The following FRMD4A variants were observed in gnomAD, a reference collection of about 807,000 sequenced individuals.
The protein encoded by FRMD4A is FERM domain-containing protein 4A.
A neutral mutation model predicts 129.1 loss-of-function variants in FRMD4A; 29 were observed. That is an observed-to-expected ratio of 0.22 (90% confidence interval 0.17 to 0.31). The LOEUF (loss-of-function observed/expected upper bound fraction) is 0.31, where lower values mean the gene tolerates loss of function less well. FRMD4A is among the 10% of genes least tolerant of loss of function. The pLI is 1.00. For synonymous variants in FRMD4A, 634 were observed against 571.6 expected (o/e 1.11, Z -1.56); for missense variants, 1,272 against 1,375.8 (o/e 0.92, Z 1.19).
At chr10:14,124,691 A>C (rs1192433622) in intron 2 of FRMD4A, among the ~76,000 whole-genome samples, 2 of 152,088 alleles carry the variant, frequency 1.3e-5, no homozygotes, top group Non-Finnish European at 2.9e-5. Context: ...CAACAACAAC[A>C]ACAACAACAA....
intron 12 of FRMD4A, among the ~76,000 whole-genome samples, chr10:13,737,276 G>C (rs1367427875): frequency 1.3e-5 from 2 of 152,178 alleles, no homozygotes; most frequent in African/African-American, 4.8e-5. Context: ...TTTTAGTAGA[G>C]AGAGGGTTCT....
At chr10:14,213,787 C>T (rs148523015) in intron 2 of FRMD4A, among the ~76,000 whole-genome samples, 1,621 of 152,210 alleles carry the variant, frequency 0.011, 27 homozygotes, top group African/African-American at 0.036. Flanking sequence ...CCAAGTGTTG[C>T]GGGAGGGACC....
intron 2 of FRMD4A, among the ~76,000 whole-genome samples, chr10:14,022,390 A>G (rs549770661): frequency 8.3e-4 from 126 of 152,328 alleles, no homozygotes; most frequent in African/African-American, 2.8e-3. Context: ...GGGAACTCAC[A>G]ATGGGAAATT....
rs541553408 is a variant in FRMD4A at position 13,985,995 on chromosome 10, C to T, written c.46-127083G>A. 8.1e-4 allele frequency among the ~76,000 whole-genome samples: 124 copies of T among 152,280 alleles called. 1 individual carries two copies. Among genetic ancestry groups the T allele is most frequent in the Non-Finnish European group, 1.2e-3 (81 of 68,022 alleles). ...CCACTGTCCCGACACTGCAGCCACC[C>T]GTGGCTTTGGTCATCTCTTTTGTCT... is the stretch of plus-strand genomic sequence containing the variant. On this transcript the variant is annotated intron_variant, in intron 2 of 24. Coordinates refer to ENST00000357447, the MANE Select transcript of FRMD4A (RefSeq NM_018027.5).
chr10:14,089,648 A>C (rs1353662421), intron 2 of FRMD4A, among the ~76,000 whole-genome samples: 2 of 151,854 alleles, frequency 1.3e-5, no homozygotes, highest in East Asian at 1.9e-4. Flanking sequence ...AACAAACAAA[A>C]AAAAAACAGA....
Position 14,237,650 on chromosome 10 carries a change from TGA to T in FRMD4A, c.45+92406_45+92407del, listed in dbSNP as rs534081445. ...CTGGCTGCATCAATTTCTCTGCTGT[TGA>T]GAGAGAGACAGACAGAGACAGAGAG... is the stretch of plus-strand genomic sequence containing the variant. On this transcript the variant is annotated intron_variant, in intron 2 of 24. Coordinates refer to ENST00000357447, the MANE Select transcript of FRMD4A (RefSeq NM_018027.5). Among the ~76,000 whole-genome samples the T allele has an allele frequency of 2.2e-3, 336 of 152,286 alleles. 1 individual carries two copies. The highest frequency in any genetic ancestry group is 3.9e-3 in the Non-Finnish European group (266 of 68,012).
At chr10:14,268,853 A>G (rs1845067854) in intron 2 of FRMD4A, among the ~76,000 whole-genome samples, 1 of 151,332 alleles carries the variant, frequency 6.6e-6, no homozygotes, top group Non-Finnish European at 1.5e-5. Context: ...CAGAGTTTCT[A>G]CGTATTTTGT....
chr10:14,074,711 G>A (rs1294843942), intron 2 of FRMD4A: 2 of 152,186 alleles, frequency 1.3e-5, no homozygotes, highest in Middle Eastern at 3.1e-3. Context: ...GATTCTGGAA[G>A]GTGTCCAGGA....
chr10:14,164,872 T>C (rs1589111083), intron 2 of FRMD4A, among the ~76,000 whole-genome samples: 1 of 152,248 alleles, frequency 6.6e-6, no homozygotes, highest in Non-Finnish European at 1.5e-5. Context: ...AGATTATGCA[T>C]GGACCTTCAT....
intron 6 of FRMD4A, among the ~76,000 whole-genome samples, chr10:13,781,805 G>A (rs10796125): frequency 0.77 from 116,085 of 151,666 alleles, 45,102 homozygotes; most frequent in African/African-American, 0.89. Context: ...AGTAGTGGTT[G>A]CCAGTGGCTG....
At chr10:14,060,842 C>T (rs2131701762) in intron 2 of FRMD4A, among the ~76,000 whole-genome samples, 1 of 152,246 alleles carries the variant, frequency 6.6e-6, no homozygotes, top group African/African-American at 2.4e-5. Context: ...TCCCCATGGA[C>T]TTCTAAGCAT....
intron 13 of FRMD4A, among the ~76,000 whole-genome samples, chr10:13,704,108 G>A (rs1312408024): frequency 1.3e-5 from 2 of 152,198 alleles, no homozygotes; most frequent in African/African-American, 2.4e-5. Context: ...GCACTCACAC[G>A]TGGCTCATGA....
intron 2 of FRMD4A, among the ~76,000 whole-genome samples, chr10:14,246,149 C>T (rs2132012793): frequency 6.6e-6 from 1 of 152,262 alleles, no homozygotes; most frequent in South Asian, 2.1e-4. Flanking sequence ...TAGAGAAACT[C>T]CATGTCAATG....
chr10:14,019,741 T>G (rs1010690297), intron 2 of FRMD4A, among the ~76,000 whole-genome samples: 2 of 152,206 alleles, frequency 1.3e-5, no homozygotes, highest in African/African-American at 4.8e-5. Flanking sequence ...GCTGATGCCT[T>G]TGAGAACGTG....
intron 2 of FRMD4A, among the ~76,000 whole-genome samples, chr10:13,922,976 T>A (rs552972466): frequency 1.3e-5 from 2 of 152,208 alleles, no homozygotes; most frequent in Non-Finnish European, 2.9e-5. Context: ...GGTTAAATTA[T>A]GCTTGTAAGA....
intron 2 of FRMD4A, among the ~76,000 whole-genome samples, chr10:14,316,870 G>C (rs796299519): frequency 1.3e-5 from 2 of 152,198 alleles, no homozygotes; most frequent in Non-Finnish European, 2.9e-5. Context: ...CTAAAGAAGT[G>C]TCCTGTTTTA....
At chr10:13,667,234 C>G (rs1589274938) in intron 17 of FRMD4A, among the ~76,000 whole-genome samples, 1 of 152,148 alleles carries the variant, frequency 6.6e-6, no homozygotes, top group African/African-American at 2.4e-5. Flanking sequence ...TTTGCAAGCT[C>G]TGGCTGTCCC....
At chr10:13,787,913 A>G (rs2092908467) in intron 5 of FRMD4A, among the ~76,000 whole-genome samples, 1 of 151,672 alleles carries the variant, frequency 6.6e-6, no homozygotes, top group Non-Finnish European at 1.5e-5. Context: ...TCTGATTTTC[A>G]GGAGAGCCTC....
At chr10:13,647,764 G>A in intron 24 of FRMD4A, 1 of 148,422 alleles carries the variant, frequency 6.7e-6, no homozygotes, top group Non-Finnish European at 1.5e-5. Context: ...TTTTAGGGAG[G>A]TATCACCATT....
Sources: allele counts gnomAD v4.1 joint callset (sites outside exome capture counted in the v4.1 genomes callset), GRCh38; gene constraint gnomAD v4.1.1; transcripts MANE v1.5; gene names NCBI Gene and HGNC (gene_info 2026-07-23, HGNC 2026-07-21).